TRAM2: variants seen among roughly 807,000 people sequenced by gnomAD.
The protein encoded by TRAM2 is translocation associated membrane protein 2.
Under a neutral mutation model 51.0 loss-of-function variants are expected in TRAM2, and 12 were observed. The ratio of observed to expected loss-of-function variants is 0.24; its 90% confidence interval spans 0.15 to 0.38. The LOEUF (loss-of-function observed/expected upper bound fraction) is 0.38, where lower values mean the gene tolerates loss of function less well. Ranked by LOEUF, TRAM2 falls within the 10% of genes least tolerant of loss-of-function variation. The probability of loss-of-function intolerance (pLI) is 1.00; values close to 1 mark genes in which losing one functional copy is unlikely to be tolerated. For missense variants in TRAM2, 361 were observed against 462.0 expected (o/e 0.78, Z 2.00); for synonymous variants, 175 against 179.4 (o/e 0.98, Z 0.20).
chr6:52,527,606 G>A (rs1198691152), intron 2 of TRAM2, among the ~76,000 whole-genome samples: 1 of 152,150 alleles, frequency 6.6e-6, no homozygotes, highest in East Asian at 1.9e-4. Flanking sequence ...GTCAGCAGGT[G>A]CTGGCCACCG....
chr6:52,536,146 C>T (rs975154542), intron 1 of TRAM2, among the ~76,000 whole-genome samples: 7 of 152,138 alleles, frequency 4.6e-5, no homozygotes, highest in Admixed American at 1.3e-4. Flanking sequence ...GTCAGCCATT[C>T]GTTCATTCAG....
At position 52,502,999 on chromosome 6, in the gene TRAM2, T is replaced by C; in HGVS notation, c.*198A>G. On this transcript the variant is annotated 3_prime_UTR_variant, in exon 11 of 11. Transcript: ENST00000182527. ...AGAAAGAGAAAGATTTTTGGCTTTA[T>C]TGAGAATGGTTTGTGGAAGAATAAG... 10 of 614,676 alleles carry C rather than the reference T, an allele frequency of 1.6e-5. 1 individual carries two copies. The highest frequency in any genetic ancestry group is 1.4e-4 in the South Asian group (7 of 51,430). The allele number at this position is 614,676 out of a possible 1,614,324, so 38.1% of individuals were successfully genotyped here. A position where few individuals can be genotyped will look rare whatever the true frequency, so the allele number is the denominator to read the frequency against.
chr6:52,512,398 G>A (rs1295273834), intron 4 of TRAM2, among the ~76,000 whole-genome samples: 4 of 152,180 alleles, frequency 2.6e-5, no homozygotes, highest in Non-Finnish European at 5.9e-5. Flanking sequence ...GGTGGAGGGA[G>A]GAGAGCAGGG....
chr6:52,563,978 A>T (rs796598026), intron 1 of TRAM2, among the ~76,000 whole-genome samples: 28 of 152,036 alleles, frequency 1.8e-4, no homozygotes, highest in African/African-American at 6.5e-4. Context: ...AGTAGCCAGC[A>T]TTCCTAATGT....
At position 52,506,067 on chromosome 6, in the gene TRAM2, T is replaced by C. The variant is rs1212676122; in HGVS notation, c.696A>G (p.Arg232=). 1 of 1,613,988 alleles carries C rather than the reference T, an allele frequency of 6.2e-7. No homozygotes were observed. The highest frequency in any genetic ancestry group is 1.7e-5 in the Admixed American group (1 of 60,016). Residue 232 remains arginine, a synonymous_variant, in exon 8 of 11, where the codon AGA becomes AGG. Transcript: ENST00000182527. ...TGTTTTCATCTGCAAAGTAGAAGAG[T>C]CTAGCCGTGTGGAAGAGGAACTCAG... ...YSTEFLFHTA[R]LFYFADENNE...
chr6:52,537,169 G>A (rs1457467592), intron 1 of TRAM2, among the ~76,000 whole-genome samples: 2 of 152,152 alleles, frequency 1.3e-5, no homozygotes, highest in Admixed American at 6.5e-5. Context: ...AAGACTTCTC[G>A]TGTCTTTGTG....
At chr6:52,540,773 A>T (rs1187914886) in intron 1 of TRAM2, among the ~76,000 whole-genome samples, 1 of 152,226 alleles carries the variant, frequency 6.6e-6, no homozygotes, top group Non-Finnish European at 1.5e-5. Flanking sequence ...TGTTTATAGG[A>T]AACATTATTG....
intron 7 of TRAM2, 44 bp from the exon 8 acceptor site, chr6:52,506,180 GCGTGGAGCAGAAGC>G (rs1562474606): frequency 6.4e-7 from 1 of 1,556,510 alleles, no homozygotes; most frequent in Non-Finnish European, 8.8e-7. Flanking sequence ...CCAAGATGCT[GCGTGGAGCAGAAGC>G]CATTGCATCT....
chr6:52,561,642 C>T (rs996121561), intron 1 of TRAM2, among the ~76,000 whole-genome samples: 10 of 152,104 alleles, frequency 6.6e-5, no homozygotes, highest in African/African-American at 1.2e-4. Flanking sequence ...CCCACCACCA[C>T]GCCCGGCTAA....
chr6:52,569,077 C>T lies in TRAM2; in HGVS notation c.120+7719G>A, dbSNP rs137977542. On this transcript the variant is annotated intron_variant, in intron 1 of 10. Coordinates refer to ENST00000182527, the MANE Select transcript of TRAM2 (RefSeq NM_012288.4). Reference sequence around the variant, plus strand: ...CAGGGTTTCAATCAATACAGGCCAGCACCTTGATCTTCAGAACTATGAGAA... The same window carrying T: ...CAGGGTTTCAATCAATACAGGCCAGTACCTTGATCTTCAGAACTATGAGAA... Among the ~76,000 whole-genome samples, 11 of 152,308 alleles carry T rather than the reference C, an allele frequency of 7.2e-5. No individual in the cohort carries two copies. The East Asian group carries it at 1.4e-3, about 19-fold the overall frequency.
At chr6:52,557,137 G>A (rs1257927540) in intron 1 of TRAM2, among the ~76,000 whole-genome samples, 2 of 148,688 alleles carry the variant, frequency 1.3e-5, no homozygotes, top group Non-Finnish European at 3.0e-5. Context: ...AGGCTGCAGT[G>A]AGCCAAGATC....
intron 1 of TRAM2, among the ~76,000 whole-genome samples, chr6:52,563,501 C>T (rs1216372938): frequency 6.6e-6 from 1 of 151,706 alleles, no homozygotes; most frequent in East Asian, 1.9e-4. Context: ...GGGCGGATCA[C>T]GAGGTCAGGA....
chr6:52,560,461 G>A (rs141012472), intron 1 of TRAM2, among the ~76,000 whole-genome samples: 220 of 152,270 alleles, frequency 1.4e-3, no homozygotes, highest in African/African-American at 5.1e-3. Flanking sequence ...TCAGATATCA[G>A]TCCATGTCAA....
chr6:52,570,344 C>T (rs1767655546), intron 1 of TRAM2, among the ~76,000 whole-genome samples: 1 of 152,162 alleles, frequency 6.6e-6, no homozygotes, highest in African/African-American at 2.4e-5. Context: ...GAAAAGCCTC[C>T]AAGTGGAACA....
intron 1 of TRAM2, among the ~76,000 whole-genome samples, chr6:52,539,323 C>A (rs754199987): frequency 6.6e-6 from 1 of 152,176 alleles, no homozygotes; most frequent in Non-Finnish European, 1.5e-5. Flanking sequence ...GAGTGTTGGG[C>A]AACCCAAAAG....
At chr6:52,539,462 A>G (rs2268727) in intron 1 of TRAM2, among the ~76,000 whole-genome samples, 2 of 152,140 alleles carry the variant, frequency 1.3e-5, no homozygotes, top group African/African-American at 4.8e-5. Flanking sequence ...CGTATCAGGG[A>G]AAACCTGAAC....
intron 1 of TRAM2, among the ~76,000 whole-genome samples, chr6:52,549,541 A>AAAT (rs1322159555): frequency 1.3e-5 from 2 of 152,364 alleles, no homozygotes; most frequent in Non-Finnish European, 2.9e-5. Context: ...GTTACCTAAC[A>AAAT]AATACGGGAG....
chr6:52,558,797 G>A (rs989072509), intron 1 of TRAM2, among the ~76,000 whole-genome samples: 14 of 152,122 alleles, frequency 9.2e-5, no homozygotes, highest in Non-Finnish European at 1.5e-4. Context: ...CCTCTATTAG[G>A]CTTTTCCATG....
chr6:52,565,925 C>A (rs1438286551), intron 1 of TRAM2, among the ~76,000 whole-genome samples: 1 of 152,224 alleles, frequency 6.6e-6, no homozygotes, highest in Admixed American at 6.5e-5. Context: ...GGAACAAAAC[C>A]AGTTTCCTTA....
Sources: gnomAD v4.1 joint callset for allele counts (sites outside exome capture counted in the v4.1 genomes callset) on GRCh38, gnomAD v4.1.1 for gene constraint, MANE v1.5 for transcripts, NCBI Gene and HGNC (gene_info 2026-07-23, HGNC 2026-07-21) for gene names.